Variants in PTGES3 observed in about 807,000 individuals in gnomAD.
The protein encoded by PTGES3 is prostaglandin E synthase 3, also known as Hsp90 co-chaperone.
PTGES3 carries 5 observed loss-of-function variants against 29.9 expected under a neutral mutation model. The ratio of observed to expected loss-of-function variants is 0.17; its 90% CI spans 0.09 to 0.35. The LOEUF (loss-of-function observed/expected upper bound fraction) is 0.35. Ranked by LOEUF, PTGES3 falls within the 10% of genes least tolerant of loss-of-function variation. The probability of loss-of-function intolerance (pLI) is 1.00; values close to 1 mark genes in which losing one functional copy is unlikely to be tolerated. For synonymous variants in PTGES3, 49 were observed against 57.8 expected (o/e 0.85, Z 0.69); for missense variants, 128 against 190.0 (o/e 0.67, Z 1.92).
At chr12:56,671,001 T>A (rs543832961) in intron 4 of PTGES3, among the ~76,000 whole-genome samples, 1 of 152,094 alleles carries the variant, frequency 6.6e-6, no homozygotes, top group Admixed American at 6.6e-5. Context: ...CCTAGCTATT[T>A]GGAGAGGTGA....
chr12:56,672,046 T>C (rs1952024619), intron 3 of PTGES3, among the ~76,000 whole-genome samples, 199 bp from the exon 4 acceptor site: 1 of 152,198 alleles, frequency 6.6e-6, no homozygotes, highest in African/African-American at 2.4e-5. Flanking sequence ...AAATTTTTTT[T>C]TCCCTTCTAT....
At chr12:56,683,692 G>A (rs1205576683) in intron 1 of PTGES3, among the ~76,000 whole-genome samples, 2 of 150,128 alleles carry the variant, frequency 1.3e-5, no homozygotes, top group African/African-American at 2.4e-5. Context: ...GGGCGCGGTG[G>A]CTCACGCCTG....
chr12:56,665,237 GA>G (rs1264332954), intron 6 of PTGES3: 17 of 973,922 alleles, frequency 1.7e-5, no homozygotes, highest in Non-Finnish European at 1.8e-5. Context: ...AAGATGTTGA[GA>G]AAAGTAGTTT....
At chr12:56,679,051 G>A (rs191909029) in intron 1 of PTGES3, among the ~76,000 whole-genome samples, 1 of 152,180 alleles carries the variant, frequency 6.6e-6, no homozygotes, top group Non-Finnish European at 1.5e-5. Context: ...CAAGGAGTTT[G>A]AGGTTATAGT....
At chr12:56,664,966 G>T (rs1192837410) in intron 6 of PTGES3, 166 bp from the exon 7 acceptor site, 1 of 985,248 alleles carries the variant, frequency 1.0e-6, no homozygotes, top group East Asian at 1.1e-4. Flanking sequence ...GTTTACCTAA[G>T]GTGAATGGAT....
intron 5 of PTGES3, among the ~76,000 whole-genome samples, chr12:56,667,695 A>G (rs1022334312): frequency 4.6e-5 from 7 of 152,256 alleles, no homozygotes; most frequent in African/African-American, 1.7e-4. Flanking sequence ...AGGAAAATGC[A>G]GAGTTGCTAC....
In PTGES3 at chr12:56,672,972, T is replaced by C; in HGVS notation, c.96A>G (p.Glu32=). The C allele has an allele frequency of 6.2e-7, 1 of 1,603,670 alleles. No individual in the cohort carries two copies. The highest frequency in any genetic ancestry group is 8.5e-7 in the Non-Finnish European group (1 of 1,176,640). ...CTTACCTGAATGTAAGTTTGGATTTTTCAAAATTTACATTAACATCCTTAC... is the reference window on the plus strand; with the variant it reads ...CTTACCTGAATGTAAGTTTGGATTTCTCAAAATTTACATTAACATCCTTAC... ...EDSKDVNVNF[E]KSKLTFSCLG... Residue 32 remains glutamate (E), a synonymous_variant, in exon 2 of 8, where the codon GAA becomes GAG. Coordinates refer to ENST00000262033, the MANE Select transcript of PTGES3 (RefSeq NM_006601.7).
At chr12:56,683,098 C>T (rs956431950) in intron 1 of PTGES3, among the ~76,000 whole-genome samples, 12 of 152,026 alleles carry the variant, frequency 7.9e-5, no homozygotes, top group African/African-American at 1.2e-4. Flanking sequence ...GCCTGTAATC[C>T]CAGCACTCTA....
chr12:56,680,716 T>G (rs1478326442), intron 1 of PTGES3, among the ~76,000 whole-genome samples: 3 of 151,960 alleles, frequency 2.0e-5, no homozygotes, highest in Non-Finnish European at 4.4e-5. Flanking sequence ...TACATATGTG[T>G]TTATTCCTGA....
intron 1 of PTGES3, among the ~76,000 whole-genome samples, chr12:56,684,919 C>T (rs963041194): frequency 1.3e-5 from 2 of 152,126 alleles, no homozygotes; most frequent in African/African-American, 2.4e-5. Flanking sequence ...ACTCCCAAGC[C>T]TTTAAGACAC....
In PTGES3 at chr12:56,688,109, C is replaced by A; in HGVS notation, c.-110G>T. The A allele has an allele frequency of 2.1e-6, 3 of 1,426,190 alleles. No individual in the cohort carries two copies. Among genetic ancestry groups the A allele is most frequent in the South Asian group, 1.5e-5 (1 of 67,442 alleles). 88.3% of individuals were successfully genotyped at this position (1,426,190 alleles called of 1,614,324 possible). On this transcript the variant is annotated 5_prime_UTR_variant, in exon 1 of 8. Coordinates refer to ENST00000262033, the MANE Select transcript of PTGES3 (RefSeq NM_006601.7). Reference sequence around the variant, plus strand: ...GGCGACTCCGCTTTTTCTCTCCGGTCGCGGCCTCTTCTCGCTTCCCTCAGG... The same window carrying A: ...GGCGACTCCGCTTTTTCTCTCCGGTAGCGGCCTCTTCTCGCTTCCCTCAGG...
intron 1 of PTGES3, chr12:56,687,261 C>T (rs1418708930): frequency 3.0e-6 from 3 of 1,004,784 alleles, no homozygotes; most frequent in Non-Finnish European, 3.6e-6. Context: ...TCAAGTAGAA[C>T]ATGAAACACA....
intron 1 of PTGES3, among the ~76,000 whole-genome samples, chr12:56,674,825 CAAAAAAAAAAAAAAAAA>C (rs869222252): frequency 1.2e-4 from 2 of 16,098 alleles, no homozygotes; most frequent in Non-Finnish European, 1.9e-4. Flanking sequence ...GACTCCATCT[CAAAAAAAAAAAAAAAAA>C]AAAAAAAAAA....
At chr12:56,687,785 G>A (rs922712090) in intron 1 of PTGES3, 14 of 1,386,624 alleles carry the variant, frequency 1.0e-5, no homozygotes, top group South Asian at 6.3e-5. Context: ...GGAAGCCAAG[G>A]AACGGTTCAG....
chr12:56,665,853 C>A, intron 6 of PTGES3: 2 of 856,066 alleles, frequency 2.3e-6, no homozygotes, highest in Non-Finnish European at 2.8e-6. Context: ...TGGTCTCGAA[C>A]TCCTGACCTC....
intron 1 of PTGES3, among the ~76,000 whole-genome samples, chr12:56,675,262 T>C (rs904599036): frequency 2.6e-5 from 4 of 151,360 alleles, no homozygotes; most frequent in African/African-American, 9.7e-5. Flanking sequence ...ATCACGCCAC[T>C]GCACTCTAGT....
At chr12:56,665,927 G>A (rs1380941146) in intron 6 of PTGES3, 5 of 1,064,152 alleles carry the variant, frequency 4.7e-6, no homozygotes. Flanking sequence ...GGCCTAAACT[G>A]ACTGTTATAA....
chr12:56,685,409 T>C (rs931930131), intron 1 of PTGES3, among the ~76,000 whole-genome samples: 12 of 150,186 alleles, frequency 8.0e-5, no homozygotes, highest in South Asian at 4.2e-4. Context: ...CTTTTTTTTT[T>C]TTTTTTTTTT....
chr12:56,669,192 T>A (rs1951901686), intron 5 of PTGES3, among the ~76,000 whole-genome samples: 1 of 151,340 alleles, frequency 6.6e-6, no homozygotes, highest in Admixed American at 6.6e-5. Context: ...TGTAGTTTTA[T>A]TTAATTATTT....
Sources: allele counts gnomAD v4.1 joint callset (sites outside exome capture counted in the v4.1 genomes callset), GRCh38; gene constraint gnomAD v4.1.1; transcripts MANE v1.5; gene names NCBI Gene and HGNC (gene_info 2026-07-23, HGNC 2026-07-21).